Variants in CCDC144A observed in about 807,000 individuals in gnomAD.
CCDC144A encodes coiled-coil domain containing 144A.
In CCDC144A, 41 loss-of-function variants were observed where a neutral mutation model predicts 143.8. The observed-to-expected ratio is 0.29, with a 90% confidence interval of 0.22 to 0.37. The LOEUF (loss-of-function observed/expected upper bound fraction) is 0.37. Among genes scored for constraint, CCDC144A ranks in the 10% least tolerant of loss-of-function variants. The pLI is 1.00. For missense variants in CCDC144A, 637 were observed against 1,488.8 expected, an observed-to-expected ratio of 0.43 and a Z score of 9.41; for synonymous variants, 242 against 517.9, an observed-to-expected ratio of 0.47 and a Z score of 7.23.
chr17:16,753,428 G>GTTTTTTGTTGTTGTTGTTGTTTTTTTTT (rs1914895477), intron 12 of CCDC144A, among the ~76,000 whole-genome samples: 5 of 57,364 alleles, frequency 8.7e-5, no homozygotes, highest in South Asian at 8.2e-4. Context: ...GTGTTTTGTA[G>GTTTTTTGTTGTTGTTGTTGTTTTTTTTT]TTTTTTTTTT....
intron 8 of CCDC144A, among the ~76,000 whole-genome samples, chr17:16,726,153 C>T (rs1366268232): frequency 6.6e-6 from 1 of 151,680 alleles, no homozygotes; most frequent in Non-Finnish European, 1.5e-5. Context: ...CCGAGGTGGG[C>T]GGATCACGAG....
intron 12 of CCDC144A, 112 bp from the exon 13 acceptor site, chr17:16,761,313 G>T: frequency 1.6e-5 from 23 of 1,437,782 alleles, no homozygotes; most frequent in Non-Finnish European, 2.1e-5. Flanking sequence ...CGGCCTGGGC[G>T]ACAGAGCGAG....
chr17:16,746,818 G>C (rs1914549197), intron 12 of CCDC144A: 1 of 1,261,370 alleles, frequency 7.9e-7, no homozygotes, highest in Admixed American at 2.0e-5. Flanking sequence ...GAGCTCAAAA[G>C]GCACCGCGTA....
chr17:16,762,735 T>C (rs2143377337), intron 14 of CCDC144A, among the ~76,000 whole-genome samples: 1 of 152,298 alleles, frequency 6.6e-6, no homozygotes, highest in African/African-American at 2.4e-5. Context: ...GAACGTAACC[T>C]TTAAAATCTT....
chr17:16,683,626 A>G, the CCDC144A span: 1 of 1,610,876 alleles, frequency 6.2e-7, no homozygotes, highest in East Asian at 2.2e-5. Flanking sequence ...GCCACAGAGG[A>G]TGAGGCCTGG....
At chr17:16,680,183 C>A in the CCDC144A span, among the ~76,000 whole-genome samples, 1 of 152,084 alleles carries the variant, frequency 6.6e-6, no homozygotes, top group South Asian at 2.1e-4. Flanking sequence ...AATCCCAGCA[C>A]TTTGGGAGGC....
intron 9 of CCDC144A, among the ~76,000 whole-genome samples, chr17:16,729,784 G>C (rs796623511): frequency 0.012 from 1,855 of 149,816 alleles, 50 homozygotes; most frequent in African/African-American, 0.044. Context: ...AACTCCTGAC[G>C]TCAGGTGATT....
the CCDC144A span, among the ~76,000 whole-genome samples, chr17:16,669,436 G>A: frequency 3.9e-5 from 6 of 152,234 alleles, no homozygotes; most frequent in African/African-American, 7.2e-5. Context: ...CATTGATAAT[G>A]TGTACTTGTC....
upstream of CCDC144A, among the ~76,000 whole-genome samples, chr17:16,688,276 C>G (rs938984922): frequency 6.6e-6 from 1 of 151,750 alleles, no homozygotes; most frequent in African/African-American, 2.4e-5. Flanking sequence ...CCTCCGCTGC[C>G]CGTGTGCAGC....
chr17:16,745,944 T>C lies in CCDC144A; in HGVS notation c.3372+10301T>C. 1.9e-6 allele frequency: 3 copies of C among 1,605,520 alleles called. No individual in the cohort carries two copies. The Admixed American group carries it at 5.1e-5, about 27-fold the overall frequency. The stretch of plus-strand genomic sequence containing the variant: ...CCTTCTGGAAAGCCGGTCAGGCTCG[T>C]GGTGAGCTCTGTGCCTCCTGCCGTC... On this transcript the variant is annotated intron_variant, in intron 12 of 16. Coordinates refer to ENST00000399273, the MANE Select transcript of CCDC144A (RefSeq NM_001382000.1).
chr17:16,726,576 A>G (rs529077490), intron 8 of CCDC144A, among the ~76,000 whole-genome samples: 21 of 151,990 alleles, frequency 1.4e-4, no homozygotes, highest in African/African-American at 4.6e-4. Flanking sequence ...TGCCATGCGA[A>G]GTCTCAGTTT....
intron 2 of CCDC144A, among the ~76,000 whole-genome samples, chr17:16,700,027 G>T (rs919871926): frequency 3.9e-5 from 6 of 152,314 alleles, no homozygotes; most frequent in African/African-American, 1.4e-4. Flanking sequence ...TAATGCAATT[G>T]TATCAGGGGT....
intron 2 of CCDC144A, among the ~76,000 whole-genome samples, chr17:16,702,580 C>T (rs1361999856): frequency 2.0e-5 from 3 of 152,132 alleles, no homozygotes; most frequent in African/African-American, 7.2e-5. Flanking sequence ...ACCTACACAA[C>T]AAAATGTACA....
intron 1 of CCDC144A, among the ~76,000 whole-genome samples, chr17:16,692,575 T>C (rs1373319491): frequency 6.9e-4 from 102 of 148,222 alleles, no homozygotes; most frequent in Non-Finnish European, 1.3e-3. Context: ...CTTCACTGTT[T>C]CTCTGAGCAT....
chr17:16,687,253 G>A (rs149997743), upstream of CCDC144A, among the ~76,000 whole-genome samples: 3,346 of 152,192 alleles, frequency 0.022, 111 homozygotes, highest in African/African-American at 0.077. Flanking sequence ...CAAAATGCAA[G>A]CCTCAGTAGA....
chr17:16,746,779 C>A, intron 12 of CCDC144A: 3 of 1,578,704 alleles, frequency 1.9e-6, no homozygotes, highest in South Asian at 1.1e-5. Context: ...AGCGCGCGGC[C>A]GTTCCCACCG....
intron 6 of CCDC144A, among the ~76,000 whole-genome samples, chr17:16,716,224 A>ACAAG (rs1222473187): frequency 1.3e-5 from 2 of 152,196 alleles, no homozygotes; most frequent in African/African-American, 4.8e-5. Flanking sequence ...TAGTTAAAAA[A>ACAAG]CAAGCAAACA....
Position 16,744,730 on chromosome 17 carries a change from CT to C in CCDC144A, c.3372+9098del, listed in dbSNP as rs201834211. ...TTTAACTAGGTCCCAATTTTTCTTT[CT>C]TTTTTTTTTTCTTTAACAAAATTTT... On this transcript the variant is annotated intron_variant, in intron 12 of 16. Coordinates refer to ENST00000399273, the MANE Select transcript of CCDC144A (RefSeq NM_001382000.1). Among the ~76,000 whole-genome samples, 927 of 145,264 alleles carry C rather than the reference CT, an allele frequency of 6.4e-3. 6 individuals are homozygous for C. The highest frequency in any genetic ancestry group is 0.02 in the African/African-American group (791 of 39,894).
At chr17:16,683,502 G>A in the CCDC144A span, 1 of 1,494,270 alleles carries the variant, frequency 6.7e-7, no homozygotes. Context: ...CCGCTCTCGC[G>A]GGTTCGGGAT....
Sources: allele counts gnomAD v4.1 joint callset (sites outside exome capture counted in the v4.1 genomes callset), GRCh38; gene constraint gnomAD v4.1.1; transcripts MANE v1.5; gene names NCBI Gene and HGNC (gene_info 2026-07-23, HGNC 2026-07-21).